Variants in IL26 observed in about 807,000 individuals in gnomAD.
IL26 encodes interleukin 26.
A neutral mutation model predicts 21.7 loss-of-function variants in IL26; 23 were observed. The observed-to-expected ratio is 1.06, with a 90% CI of 0.76 to 1.50. The LOEUF is 1.50. Among genes scored for constraint, IL26 ranks in the 40% most tolerant of loss-of-function variants. The pLI, the probability that IL26 is intolerant of heterozygous loss-of-function variation, is 0.00. For synonymous variants in IL26, 63 were observed against 67.8 expected (o/e 0.93, Z 0.34); for missense variants, 204 against 196.0 (o/e 1.04, Z -0.24).
chr12:68,221,607 G>T (rs1361911905), intron 3 of IL26, among the ~76,000 whole-genome samples: 1 of 152,204 alleles, frequency 6.6e-6, no homozygotes, highest in Non-Finnish European at 1.5e-5. Context: ...CAAAAGAGTT[G>T]TACTGTTATC....
At chr12:68,217,107 A>G (rs1868906222) in intron 3 of IL26, among the ~76,000 whole-genome samples, 3 of 152,204 alleles carry the variant, frequency 2.0e-5, no homozygotes, top group Non-Finnish European at 4.4e-5. Flanking sequence ...TTTTTGAACA[A>G]TTATACTATC....
intron 3 of IL26, among the ~76,000 whole-genome samples, chr12:68,214,568 C>T (rs1285237266): frequency 1.3e-5 from 2 of 152,140 alleles, no homozygotes; most frequent in Non-Finnish European, 2.9e-5. Context: ...CTGAATTAAC[C>T]TCTTTATCAT....
chr12:68,209,381 A>G (rs906531368), intron 3 of IL26, among the ~76,000 whole-genome samples: 1 of 152,226 alleles, frequency 6.6e-6, no homozygotes, highest in South Asian at 2.1e-4. Flanking sequence ...CATTAAGCAC[A>G]TGATTTACAG....
At position 68,225,733 on chromosome 12, in the gene IL26, C is replaced by A. The variant is rs1482303768; in HGVS notation, c.24G>T (p.Arg8Ser). The A allele has an allele frequency of 6.2e-7, 1 of 1,613,942 alleles. No homozygotes were observed. The highest frequency in any genetic ancestry group is 2.2e-5 in the East Asian group (1 of 44,882). The change falls in exon 1 of 5, where the codon AGG becomes AGT. Residue 8 changes from arginine to serine, a missense_variant. Coordinates refer to ENST00000229134, the MANE Select transcript of IL26 (RefSeq NM_018402.2). ...ACAGAGTGACTAACAGCAACCCACA[C>A]CTCAAAATGAAATTCACCAGCATTT... MLVNFIL[R>S]CGLLLVTLSL...
At chr12:68,211,365 A>G (rs1868724102) in intron 3 of IL26, among the ~76,000 whole-genome samples, 1 of 152,210 alleles carries the variant, frequency 6.6e-6, no homozygotes, top group South Asian at 2.1e-4. Flanking sequence ...CTGAATAAAC[A>G]TTTGAGTGCA....
At chr12:68,217,389 C>T (rs1340307529) in intron 3 of IL26, among the ~76,000 whole-genome samples, 1 of 152,072 alleles carries the variant, frequency 6.6e-6, no homozygotes, top group Non-Finnish European at 1.5e-5. Flanking sequence ...AATAATGAAA[C>T]AGAGAAAATG....
intron 3 of IL26, among the ~76,000 whole-genome samples, chr12:68,221,374 A>G (rs1399805417): frequency 2.6e-5 from 4 of 152,172 alleles, no homozygotes; most frequent in Admixed American, 6.5e-5. Flanking sequence ...AATATCCATC[A>G]AGTGCAAATC....
At chr12:68,211,995 A>G (rs1379910444) in intron 3 of IL26, among the ~76,000 whole-genome samples, 2 of 151,978 alleles carry the variant, frequency 1.3e-5, no homozygotes, top group Non-Finnish European at 2.9e-5. Context: ...TTTTCTTCCA[A>G]TAGTTTCATA....
At chr12:68,203,105 T>C (rs1263854377) in intron 3 of IL26, among the ~76,000 whole-genome samples, 4 of 152,186 alleles carry the variant, frequency 2.6e-5, no homozygotes, top group African/African-American at 9.7e-5. Flanking sequence ...ACATTAAATA[T>C]TACTTTCGAA....
At chr12:68,221,829 T>G (rs2120472772) in intron 3 of IL26, among the ~76,000 whole-genome samples, 1 of 152,332 alleles carries the variant, frequency 6.6e-6, no homozygotes, top group Non-Finnish European at 1.5e-5. Flanking sequence ...AGTACATAAG[T>G]ATTCCATCAT....
intron 3 of IL26, among the ~76,000 whole-genome samples, chr12:68,209,620 A>T (rs2120436362): frequency 6.6e-6 from 1 of 152,258 alleles, no homozygotes; most frequent in African/African-American, 2.4e-5. Context: ...CCTTTTGCAC[A>T]GAGCTTGGTG....
intron 3 of IL26, among the ~76,000 whole-genome samples, chr12:68,206,206 T>C (rs1196803547): frequency 1.3e-5 from 2 of 152,266 alleles, no homozygotes; most frequent in Non-Finnish European, 2.9e-5. Context: ...ATAACAATGA[T>C]AGCATCTTCA....
intron 3 of IL26, among the ~76,000 whole-genome samples, chr12:68,224,486 T>A (rs1869171150): frequency 1.3e-5 from 2 of 151,944 alleles, no homozygotes; most frequent in African/African-American, 2.4e-5. Flanking sequence ...CCTTTTTAAG[T>A]TTTTTACTGA....
At position 68,225,570 on chromosome 12, in the gene IL26, A is replaced by G; in HGVS notation, c.171+16T>C. On this transcript the variant is annotated intron_variant, in intron 1 of 4. Transcript: ENST00000229134. ...TGTCCTTGAGGTCATGATTTTAAGC[A>G]GAGCCTAATACTTACTGGAATCGTT... The G allele has an allele frequency of 1.9e-6, 3 of 1,613,346 alleles. No homozygotes were observed. The highest frequency in any genetic ancestry group is 2.5e-6 in the Non-Finnish European group (3 of 1,179,576).
intron 3 of IL26, among the ~76,000 whole-genome samples, chr12:68,213,197 T>G (rs1868783259): frequency 1.3e-5 from 2 of 152,164 alleles, no homozygotes; most frequent in Admixed American, 1.3e-4. Flanking sequence ...TTTGCACATT[T>G]TGAGCCATCC....
intron 3 of IL26, among the ~76,000 whole-genome samples, chr12:68,214,580 A>G (rs918166421): frequency 2.0e-5 from 3 of 152,178 alleles, no homozygotes; most frequent in Non-Finnish European, 4.4e-5. Context: ...CTTTATCATT[A>G]TATAGTGACT....
intron 3 of IL26, among the ~76,000 whole-genome samples, chr12:68,206,116 AGTTAT>A (rs1868535723): frequency 6.6e-6 from 1 of 152,210 alleles, no homozygotes; most frequent in Non-Finnish European, 1.5e-5. Context: ...AATTCTATGA[AGTTAT>A]GTACGACATC....
intron 3 of IL26, among the ~76,000 whole-genome samples, chr12:68,224,594 G>A (rs1387977393): frequency 7.0e-6 from 1 of 143,268 alleles, no homozygotes; most frequent in African/African-American, 2.6e-5. Context: ...AAAGAAGGAA[G>A]GAAGGAAAGA....
chr12:68,224,039 A>ACC (rs72054758), intron 3 of IL26, among the ~76,000 whole-genome samples: 2,346 of 146,994 alleles, frequency 0.016, 76 homozygotes, highest in African/African-American at 0.051. Flanking sequence ...AAAAATAAAC[A>ACC]CCCCCCCCCT....
Sources: allele counts gnomAD v4.1 joint callset (sites outside exome capture counted in the v4.1 genomes callset), GRCh38; gene constraint gnomAD v4.1.1; transcripts MANE v1.5; gene names NCBI Gene and HGNC (gene_info 2026-07-23, HGNC 2026-07-21).